Variants in HCN1 observed in about 807,000 individuals in gnomAD.
HCN1 encodes the protein potassium/sodium hyperpolarization-activated cyclic nucleotide-gated channel 1.
A neutral mutation model predicts 78.9 loss-of-function variants in HCN1; 13 were observed. The ratio of observed to expected loss-of-function variants is 0.16; its 90% CI spans 0.11 to 0.26. The LOEUF is 0.26. Among genes scored for constraint, HCN1 ranks in the 10% least tolerant of loss-of-function variants. HCN1 has a pLI of 1.00. For missense variants in HCN1, 810 were observed against 1,154.3 expected (o/e 0.70, Z 4.32); for synonymous variants, 552 against 455.5 (o/e 1.21, Z -2.70).
intron 1 of HCN1, 103 bp from the exon 2 acceptor site, chr5:45,645,711 G>A: frequency 1.6e-6 from 1 of 623,294 alleles, no homozygotes; most frequent in Non-Finnish European, 2.7e-6. Context: ...ATAAGTAAAA[G>A]AACAAAGAAA....
At chr5:45,269,141 G>T (rs1344394267) in intron 6 of HCN1, among the ~76,000 whole-genome samples, 2 of 152,202 alleles carry the variant, frequency 1.3e-5, no homozygotes, top group African/African-American at 2.4e-5. Flanking sequence ...GTTGCCTGAG[G>T]CAAAAGATGG....
At chr5:45,384,974 C>T (rs916908531) in intron 4 of HCN1, among the ~76,000 whole-genome samples, 9 of 152,016 alleles carry the variant, frequency 5.9e-5, no homozygotes, top group African/African-American at 1.7e-4. Context: ...TTTTCCAGAA[C>T]TGGAGACTTC....
intron 5 of HCN1, among the ~76,000 whole-genome samples, chr5:45,317,928 A>C (rs970362874): frequency 7.9e-5 from 12 of 152,176 alleles, no homozygotes; most frequent in Admixed American, 2.6e-4. Context: ...GGTGCTGGAG[A>C]GTATGTGGAG....
At chr5:45,668,104 A>C (rs1218174041) in intron 1 of HCN1, among the ~76,000 whole-genome samples, 5 of 151,960 alleles carry the variant, frequency 3.3e-5, no homozygotes, top group African/African-American at 7.2e-5. Flanking sequence ...TATACCTCCC[A>C]AAATCAAACT....
chr5:45,659,477 A>T (rs1266609370), intron 1 of HCN1, among the ~76,000 whole-genome samples: 2 of 108,954 alleles, frequency 1.8e-5, no homozygotes, highest in East Asian at 5.5e-4. Context: ...GAGCTGAGAG[A>T]AGAAGGCTTC....
chr5:45,676,181 A>G (rs1262094116), intron 1 of HCN1, among the ~76,000 whole-genome samples: 1 of 151,766 alleles, frequency 6.6e-6, no homozygotes, highest in Non-Finnish European at 1.5e-5. Context: ...TTTCACATAT[A>G]CTTTGTCACT....
intron 5 of HCN1, among the ~76,000 whole-genome samples, chr5:45,346,534 C>A (rs1299323905): frequency 6.6e-6 from 1 of 152,066 alleles, no homozygotes; most frequent in African/African-American, 2.4e-5. Flanking sequence ...GTGCAGTGCA[C>A]CATGAGCGAG....
intron 4 of HCN1, among the ~76,000 whole-genome samples, chr5:45,393,705 T>C (rs1739629704): frequency 6.6e-6 from 1 of 152,198 alleles, no homozygotes; most frequent in South Asian, 2.1e-4. Flanking sequence ...TGTTTTTATA[T>C]ATGCATAATA....
intron 2 of HCN1, among the ~76,000 whole-genome samples, chr5:45,624,463 T>A (rs1291606241): frequency 6.6e-6 from 1 of 152,080 alleles, no homozygotes; most frequent in Non-Finnish European, 1.5e-5. Flanking sequence ...ACAGTGAGGA[T>A]CTAGGAATGC....
At chr5:45,283,908 C>G (rs1745217532) in intron 6 of HCN1, among the ~76,000 whole-genome samples, 1 of 152,054 alleles carries the variant, frequency 6.6e-6, no homozygotes, top group Admixed American at 6.6e-5. Context: ...CTATCAATGA[C>G]AGATTGGATA....
intron 3 of HCN1, among the ~76,000 whole-genome samples, chr5:45,423,165 A>G (rs1740262360): frequency 1.3e-5 from 2 of 152,190 alleles, no homozygotes; most frequent in African/African-American, 4.8e-5. Context: ...CCATAAATAC[A>G]TGCACCTACT....
At chr5:45,620,337 T>C (rs1745033271) in intron 2 of HCN1, among the ~76,000 whole-genome samples, 1 of 152,092 alleles carries the variant, frequency 6.6e-6, no homozygotes, top group African/African-American at 2.4e-5. Context: ...CAATGTACAA[T>C]ATACCCAATC....
chr5:45,418,395 A>G (rs1457789205), intron 3 of HCN1, among the ~76,000 whole-genome samples: 1 of 149,674 alleles, frequency 6.7e-6, no homozygotes, highest in Non-Finnish European at 1.5e-5. Flanking sequence ...ATTATTTTTT[A>G]GCTCAGATGA....
At chr5:45,446,577 T>C (rs1266573430) in intron 3 of HCN1, among the ~76,000 whole-genome samples, 1 of 151,994 alleles carries the variant, frequency 6.6e-6, no homozygotes, top group East Asian at 1.9e-4. Flanking sequence ...CTCTAAGACA[T>C]ATAATTGTCA....
intron 2 of HCN1, among the ~76,000 whole-genome samples, chr5:45,620,897 T>C (rs1305884368): frequency 6.6e-6 from 1 of 152,182 alleles, no homozygotes; most frequent in Non-Finnish European, 1.5e-5. Context: ...GCATCTCTTA[T>C]GTGCCAGGCA....
In HCN1 at chr5:45,396,482, A is replaced by AAC. The variant is rs757498614; in HGVS notation, c.1230+8_1230+9dup. ...GGTTAAAGACATTGGCGATAAATAAAACAAATTACCTTCTCTTGATACTGC... is the reference window on the plus strand; with the variant it reads ...GGTTAAAGACATTGGCGATAAATAAAACACAAATTACCTTCTCTTGATACTGC... On this transcript the variant is annotated intron_variant, in intron 4 of 7. Coordinates refer to ENST00000303230, the MANE Select transcript of HCN1 (RefSeq NM_021072.4). 9 of 1,610,838 alleles carry AAC rather than the reference A, an allele frequency of 5.6e-6. No individual in the cohort carries two copies. The highest frequency in any genetic ancestry group is 3.4e-4 in the Middle Eastern group (2 of 5,886).
rs140593477 is a variant in HCN1 at position 45,277,152 on chromosome 5, G to A, written c.1619-9899C>T. On this transcript the variant is annotated intron_variant, in intron 6 of 7. Transcript: ENST00000303230. ...ACATGGAATAGAGTGGAGAGTTCTA[G>A]CTCTCTACATATCTTGCCATTTATG... is the stretch of plus-strand genomic sequence containing the variant. 6.0e-3 allele frequency among the ~76,000 whole-genome samples: 909 copies of A among 152,112 alleles called. 21 individuals carry two copies. Among genetic ancestry groups the A allele is most frequent in the Admixed American group, 0.039 (598 of 15,272 alleles).
chr5:45,501,574 G>T (rs2111733899), intron 2 of HCN1, among the ~76,000 whole-genome samples: 1 of 152,142 alleles, frequency 6.6e-6, no homozygotes, highest in Non-Finnish European at 1.5e-5. Context: ...CTGAGTAGCT[G>T]GGACTACAGG....
intron 2 of HCN1, among the ~76,000 whole-genome samples, chr5:45,571,458 AT>A (rs1267697398): frequency 6.6e-6 from 1 of 152,136 alleles, no homozygotes; most frequent in Non-Finnish European, 1.5e-5. Flanking sequence ...TTGGGGCAAG[AT>A]AGATGAAACG....
Sources: gnomAD v4.1 joint callset for allele counts (sites outside exome capture counted in the v4.1 genomes callset) on GRCh38, gnomAD v4.1.1 for gene constraint, MANE v1.5 for transcripts, NCBI Gene and HGNC (gene_info 2026-07-23, HGNC 2026-07-21) for gene names.